DYNC2H1: variants seen among roughly 807,000 people sequenced by gnomAD.
The protein encoded by DYNC2H1 is dynein cytoplasmic 2 heavy chain 1.
Under a neutral mutation model 570.0 loss-of-function variants are expected in DYNC2H1, and 410 were observed. The observed-to-expected ratio is 0.72, with a 90% CI of 0.66 to 0.78. DYNC2H1 has a LOEUF of 0.78. Among genes scored for constraint, DYNC2H1 ranks in the 30% least tolerant of loss-of-function variants. The pLI is 0.00. For missense variants in DYNC2H1, 4,865 were observed against 5,046.4 expected (o/e 0.96, Z 1.09); for synonymous variants, 1,688 against 1,677.6 (o/e 1.01, Z -0.15).
chr11:103,424,887 C>T (rs773758226), intron 84 of DYNC2H1, among the ~76,000 whole-genome samples: 11 of 152,086 alleles, frequency 7.2e-5, no homozygotes, highest in East Asian at 1.9e-4. Flanking sequence ...GTCTTCTATC[C>T]GGTATTTCTT....
At position 103,205,006 on chromosome 11, in the gene DYNC2H1, T is replaced by G. The variant is rs935239023; in HGVS notation, c.8454+42T>G. ...TTAAAAAATTTAAAAGCACATTTTATTTTTGAAGTTATTGATTTTCACAAC... is the reference window on the plus strand; with the variant it reads ...TTAAAAAATTTAAAAGCACATTTTAGTTTTGAAGTTATTGATTTTCACAAC... On this transcript the variant is annotated intron_variant, in intron 52 of 88. Coordinates refer to ENST00000375735, the MANE Select transcript of DYNC2H1 (RefSeq NM_001377.3). The surrounding 1 kb of genome is among the most constrained non-coding windows in gnomAD (Gnocchi z 4.5). 1.4e-5 allele frequency: 21 copies of G among 1,521,336 alleles called. No homozygotes were observed. Among genetic ancestry groups the G allele is most frequent in the Non-Finnish European group, 1.6e-5 (18 of 1,130,724 alleles). 94.2% of individuals were successfully genotyped at this position (1,521,336 alleles called of 1,614,324 possible).
At chr11:103,346,348 T>A (rs1319234146) in intron 82 of DYNC2H1, among the ~76,000 whole-genome samples, 2 of 152,178 alleles carry the variant, frequency 1.3e-5, no homozygotes, top group African/African-American at 4.8e-5. Context: ...GAATATATTA[T>A]CCCATATTTC....
rs1940769480 is a variant in DYNC2H1 at position 103,363,809 on chromosome 11, A to G, written c.12156+5450A>G. ...GTGCATTCTCTGCTGCTTTATGTTT[A>G]AGGGGAGAAAACACTATTATATAAA... On this transcript the variant is annotated intron_variant, in intron 83 of 88. Transcript: ENST00000375735. The surrounding 1 kb of genome is among the most constrained non-coding windows in gnomAD (Gnocchi z 5.6). Among the ~76,000 whole-genome samples the G allele has an allele frequency of 6.6e-6, 1 of 152,178 alleles. No individual in the cohort carries two copies. The highest frequency in any genetic ancestry group is 2.4e-5 in the African/African-American group (1 of 41,460).
At chr11:103,121,725 C>T (rs1322186508) in intron 10 of DYNC2H1, among the ~76,000 whole-genome samples, 2 of 151,966 alleles carry the variant, frequency 1.3e-5, no homozygotes, top group Admixed American at 1.3e-4. Flanking sequence ...TGCAGTTGTT[C>T]CAAAGAAATA....
intron 88 of DYNC2H1, among the ~76,000 whole-genome samples, chr11:103,478,505 C>T (rs1260533288): frequency 1.3e-5 from 2 of 152,090 alleles, no homozygotes; most frequent in Non-Finnish European, 1.5e-5. Context: ...CTGAGCTCAC[C>T]TCTAGATCCA....
At position 103,299,533 on chromosome 11, in the gene DYNC2H1, C is replaced by T. The variant is rs1445250115; in HGVS notation, c.11096-3560C>T. On this transcript the variant is annotated intron_variant, in intron 75 of 88. Coordinates refer to ENST00000375735, the MANE Select transcript of DYNC2H1 (RefSeq NM_001377.3). This position sits in a 1 kb window ranked among gnomAD's most constrained non-coding sequence, Gnocchi z 4.5. ...TCTTTCTGTCTTTTGGTGTCATTCT[C>T]AGCTTTTGGATGCCAGTTGGTATCT... Among the ~76,000 whole-genome samples, 1 of 152,112 alleles carries T rather than the reference C, an allele frequency of 6.6e-6. No homozygotes were observed. Among genetic ancestry groups the T allele is most frequent in the Non-Finnish European group, 1.5e-5 (1 of 68,002 alleles).
chr11:103,394,900 TGG>T (rs1362540193), intron 83 of DYNC2H1, among the ~76,000 whole-genome samples: 1 of 151,968 alleles, frequency 6.6e-6, no homozygotes, highest in African/African-American at 2.4e-5. Flanking sequence ...TCCTGTGAAA[TGG>T]GTGGCAAGAA....
chr11:103,298,423 C>T (rs1866924091), intron 75 of DYNC2H1, among the ~76,000 whole-genome samples: 1 of 151,946 alleles, frequency 6.6e-6, no homozygotes, highest in Non-Finnish European at 1.5e-5. Context: ...AGTTTAACTC[C>T]CCATCAACTC....
At chr11:103,160,477 C>T (rs1861046106) in intron 28 of DYNC2H1, among the ~76,000 whole-genome samples, 2 of 151,880 alleles carry the variant, frequency 1.3e-5, no homozygotes, top group South Asian at 2.1e-4. Flanking sequence ...ATATGTTTAA[C>T]TTTTTTAGAA....
At chr11:103,353,725 T>G (rs1444385527) in intron 82 of DYNC2H1, among the ~76,000 whole-genome samples, 1 of 152,182 alleles carries the variant, frequency 6.6e-6, no homozygotes, top group Admixed American at 6.5e-5. Flanking sequence ...AATGTCCTTA[T>G]GTTTTAGGTG....
At chr11:103,356,330 TTCTTATTACTGCCTGTTC>T (rs1940336460) in intron 82 of DYNC2H1, among the ~76,000 whole-genome samples, 1 of 152,138 alleles carries the variant, frequency 6.6e-6, no homozygotes, top group African/African-American at 2.4e-5. Flanking sequence ...TGAACTCCCT[TTCTTATTACTGCCTGTTC>T]TTTAAAAATT....
rs1409132637 is a variant in DYNC2H1 at position 103,395,413 on chromosome 11, A to G, written c.12157-4250A>G. 2.0e-5 allele frequency among the ~76,000 whole-genome samples: 3 copies of G among 151,768 alleles called. No homozygotes were observed. The highest frequency in any genetic ancestry group is 7.3e-5 in the African/African-American group (3 of 41,304). ...AGATCTGATGTGCTGGAATATATAC[A>G]TGCATATGATCATGTATGTTACATA... On this transcript the variant is annotated intron_variant, in intron 83 of 88. Coordinates refer to ENST00000375735, the MANE Select transcript of DYNC2H1 (RefSeq NM_001377.3). This position sits in a 1 kb window ranked among gnomAD's most constrained non-coding sequence, Gnocchi z 4.3.
intron 82 of DYNC2H1, among the ~76,000 whole-genome samples, chr11:103,354,181 C>CAAAAAAAA (rs71465391): frequency 8.5e-6 from 1 of 117,214 alleles, no homozygotes; most frequent in Non-Finnish European, 1.7e-5. Flanking sequence ...TGTCTCAAAA[C>CAAAAAAAA]AAAAAAAAAA....
At chr11:103,322,572 A>C (rs910453454) in intron 81 of DYNC2H1, among the ~76,000 whole-genome samples, 4 of 152,118 alleles carry the variant, frequency 2.6e-5, no homozygotes, top group Admixed American at 2.6e-4. Flanking sequence ...CGTGGTATAT[A>C]TATATTTTTA....
At position 103,170,839 on chromosome 11, in the gene DYNC2H1, A is replaced by G. The variant is rs376475557; in HGVS notation, c.5152-47A>G. On this transcript the variant is annotated intron_variant, in intron 33 of 88. Coordinates refer to ENST00000375735, the MANE Select transcript of DYNC2H1 (RefSeq NM_001377.3). The surrounding 1 kb of genome is among the most constrained non-coding windows in gnomAD (Gnocchi z 4.8). ...CATTAAATATTAAGTAGTTATGGAG[A>G]TTTTGATTATTTTTTAATGACTATA... 3 of 1,359,240 alleles carry G rather than the reference A, an allele frequency of 2.2e-6. No homozygotes were observed. Among genetic ancestry groups the G allele is most frequent in the Non-Finnish European group, 2.9e-6 (3 of 1,038,486 alleles). The allele number at this position is 1,359,240 out of a possible 1,614,324, so 84.2% of individuals were successfully genotyped here. A position where few individuals can be genotyped will look rare whatever the true frequency, so the allele number is the denominator to read the frequency against.
At position 103,243,370 on chromosome 11, in the gene DYNC2H1, T is replaced by C. The variant is rs1864494254; in HGVS notation, c.9820-323T>C. ...AAAGAATGCTGCAAATGACATCAGCTTGAGACTAAAGCTCTTGCTTAGCAT... is the reference window on the plus strand; with the variant it reads ...AAAGAATGCTGCAAATGACATCAGCCTGAGACTAAAGCTCTTGCTTAGCAT... On this transcript the variant is annotated intron_variant, in intron 63 of 88. Coordinates refer to ENST00000375735, the MANE Select transcript of DYNC2H1 (RefSeq NM_001377.3). The surrounding 1 kb of genome is among the most constrained non-coding windows in gnomAD (Gnocchi z 4.8). Among the ~76,000 whole-genome samples, 2 of 152,166 alleles carry C rather than the reference T, an allele frequency of 1.3e-5. No homozygotes were observed. The highest frequency in any genetic ancestry group is 1.3e-4 in the Admixed American group (2 of 15,268).
rs2135094722 is a variant in DYNC2H1, at chr11:103,203,625, A to G, written c.8198-38A>G. The G allele has an allele frequency of 7.6e-7, 1 of 1,323,650 alleles. No individual in the cohort carries two copies. Among genetic ancestry groups the G allele is most frequent in the East Asian group, 2.4e-5 (1 of 41,540 alleles). The allele number at this position is 1,323,650 out of a possible 1,614,324, so 82.0% of individuals were successfully genotyped here. A position where few individuals can be genotyped will look rare whatever the true frequency, so the allele number is the denominator to read the frequency against. On this transcript the variant is annotated intron_variant, in intron 50 of 88. Transcript: ENST00000375735. The surrounding 1 kb of genome is among the most constrained non-coding windows in gnomAD (Gnocchi z 4.7). ...TACAAAAATTGAAAAAGCATCATTT[A>G]TTAAAATGTTTTCAATTAGTCTAAT...
chr11:103,122,769 A>G (rs1352824331), intron 10 of DYNC2H1, 56 bp from the exon 11 acceptor site: 1 of 1,500,926 alleles, frequency 6.7e-7, no homozygotes, highest in African/African-American at 1.4e-5. Flanking sequence ...TCCTTACTTT[A>G]TGCTAATTTT....
At chr11:103,398,545 A>G (rs926582135) in intron 83 of DYNC2H1, among the ~76,000 whole-genome samples, 1 of 152,190 alleles carries the variant, frequency 6.6e-6, no homozygotes, top group Admixed American at 6.5e-5. Context: ...GTGCCACCAT[A>G]GACTCGTCAA....
Sources: gnomAD v4.1 joint callset for allele counts (sites outside exome capture counted in the v4.1 genomes callset) on GRCh38, gnomAD v4.1.1 for gene constraint, Gnocchi (gnomAD v3.1) non-coding constraint, MANE v1.5 for transcripts, NCBI Gene and HGNC (gene_info 2026-07-23, HGNC 2026-07-21) for gene names.